Variants in ZNF385B observed in about 807,000 individuals in gnomAD.
ZNF385B encodes zinc finger protein 533.
In ZNF385B, 23 loss-of-function variants were observed where a neutral mutation model predicts 39.2. The ratio of observed to expected loss-of-function variants is 0.59; its 90% CI spans 0.42 to 0.83. The LOEUF is 0.83. Among genes scored for constraint, ZNF385B ranks in the 40% least tolerant of loss-of-function variants. ZNF385B has a pLI of 0.00. For missense variants in ZNF385B, 552 were observed against 598.9 expected (o/e 0.92, Z 0.82); for synonymous variants, 205 against 222.6 (o/e 0.92, Z 0.70).
At chr2:179,600,911 T>C (rs1483988415) in intron 3 of ZNF385B, among the ~76,000 whole-genome samples, 1 of 152,202 alleles carries the variant, frequency 6.6e-6, no homozygotes, top group Non-Finnish European at 1.5e-5. Context: ...TCTGACTTTC[T>C]TACATAATAG....
intron 3 of ZNF385B, among the ~76,000 whole-genome samples, chr2:179,687,453 T>C (rs973443031): frequency 2.0e-5 from 3 of 152,162 alleles, no homozygotes; most frequent in African/African-American, 7.2e-5. Context: ...CTTTGTTGTA[T>C]GACTAACTGG....
At chr2:179,652,007 G>T (rs1025911807) in intron 3 of ZNF385B, among the ~76,000 whole-genome samples, 9 of 152,090 alleles carry the variant, frequency 5.9e-5, no homozygotes, top group African/African-American at 1.7e-4. Context: ...AAACTGTACT[G>T]CCAGAGAAAA....
chr2:179,761,490 C>A (rs1703382088), intron 3 of ZNF385B, among the ~76,000 whole-genome samples: 1 of 151,918 alleles, frequency 6.6e-6, no homozygotes, highest in Non-Finnish European at 1.5e-5. Context: ...ATAAGTATTT[C>A]ATTTTATTAG....
At chr2:179,750,956 T>TA (rs2106468226) in intron 3 of ZNF385B, among the ~76,000 whole-genome samples, 1 of 152,222 alleles carries the variant, frequency 6.6e-6, no homozygotes, top group South Asian at 2.1e-4. Context: ...ACTGAAAAGG[T>TA]AAAATACATT....
chr2:179,803,489 A>C (rs1706161622), intron 1 of ZNF385B, among the ~76,000 whole-genome samples: 1 of 152,212 alleles, frequency 6.6e-6, no homozygotes, highest in Non-Finnish European at 1.5e-5. Flanking sequence ...TGTTTATATA[A>C]AATTATTTTA....
intron 3 of ZNF385B, among the ~76,000 whole-genome samples, chr2:179,628,647 T>C: frequency 6.6e-6 from 1 of 152,222 alleles, no homozygotes. Flanking sequence ...CTTATAAAAA[T>C]TCTCCATCAA....
intron 5 of ZNF385B, among the ~76,000 whole-genome samples, chr2:179,504,436 C>T (rs2057060096): frequency 6.6e-6 from 1 of 151,972 alleles, no homozygotes; most frequent in African/African-American, 2.4e-5. Flanking sequence ...GTTCTAGATC[C>T]CTGAGGAATC....
chr2:179,493,784 C>CATATATGTATACATATATGTATATGCAT lies in ZNF385B; in HGVS notation c.553-10351_553-10350insATGCATATACATATATGTATACATATAT, dbSNP rs1559338478. On this transcript the variant is annotated intron_variant, in intron 5 of 9. Transcript: ENST00000410066. ...ATATGTATACATATATGTATATACACATATGTATACATATATGTATATATA... is the reference window on the plus strand; with the variant it reads ...ATATGTATACATATATGTATATACACATATATGTATACATATATGTATATGCATATATGTATACATATATGTATATATA... Among the ~76,000 whole-genome samples the CATATATGTATACATATATGTATATGCAT allele has an allele frequency of 3.3e-3, 291 of 88,486 alleles. 19 individuals are homozygous for CATATATGTATACATATATGTATATGCAT. Among genetic ancestry groups the CATATATGTATACATATATGTATATGCAT allele is most frequent in the African/African-American group, 8.5e-3 (202 of 23,714 alleles). 58.1% of individuals were successfully genotyped at this position (88,486 alleles called of 152,430 possible). A position where few individuals can be genotyped will look rare whatever the true frequency, so the allele number is the denominator to read the frequency against.
intron 3 of ZNF385B, among the ~76,000 whole-genome samples, chr2:179,618,883 C>G (rs1689977806): frequency 6.6e-6 from 1 of 152,180 alleles, no homozygotes; most frequent in African/African-American, 2.4e-5. Flanking sequence ...CTTCTACTTA[C>G]AATAGACACA....
chr2:179,726,035 T>A (rs1700998144), intron 3 of ZNF385B, among the ~76,000 whole-genome samples: 1 of 151,804 alleles, frequency 6.6e-6, no homozygotes, highest in South Asian at 2.1e-4. Flanking sequence ...CTTAGAGTCA[T>A]AGCTTCTGCA....
At chr2:179,604,307 A>G (rs1243686782) in intron 3 of ZNF385B, among the ~76,000 whole-genome samples, 1 of 152,154 alleles carries the variant, frequency 6.6e-6, no homozygotes, top group African/African-American at 2.4e-5. Flanking sequence ...GTATAGAACT[A>G]TTAAAAATTT....
At chr2:179,633,468 T>C (rs1046833277) in intron 3 of ZNF385B, among the ~76,000 whole-genome samples, 1 of 152,132 alleles carries the variant, frequency 6.6e-6, no homozygotes, top group South Asian at 2.1e-4. Context: ...ATTATCTCAA[T>C]AGATACAGAA....
chr2:179,643,457 T>C (rs1343570778), intron 3 of ZNF385B, among the ~76,000 whole-genome samples: 1 of 152,160 alleles, frequency 6.6e-6, no homozygotes, highest in Non-Finnish European at 1.5e-5. Flanking sequence ...TTCCAGATTG[T>C]TACTGAGGTT....
At chr2:179,763,662 T>C (rs1361016421) in intron 3 of ZNF385B, among the ~76,000 whole-genome samples, 1 of 152,238 alleles carries the variant, frequency 6.6e-6, no homozygotes, top group Non-Finnish European at 1.5e-5. Context: ...CAGCACTGCT[T>C]TAGCTTCATC....
At chr2:179,636,328 G>A (rs11687033) in intron 3 of ZNF385B, among the ~76,000 whole-genome samples, 23,115 of 152,074 alleles carry the variant, frequency 0.15, 1,882 homozygotes, top group Middle Eastern at 0.24. Flanking sequence ...CCATTCCTTC[G>A]CTGGCATGGC....
chr2:179,494,233 C>T (rs143844320), intron 5 of ZNF385B, among the ~76,000 whole-genome samples: 2 of 152,086 alleles, frequency 1.3e-5, no homozygotes, highest in East Asian at 1.9e-4. Context: ...ACCAAATATC[C>T]ATTGTAAGGA....
At chr2:179,445,079 T>C (rs2049337482) in intron 8 of ZNF385B, 102 bp from the exon 9 acceptor site, 3 of 958,838 alleles carry the variant, frequency 3.1e-6, no homozygotes, top group South Asian at 2.7e-5. Context: ...TCTAGGTCCA[T>C]AGTTCCACGA....
At chr2:179,676,151 C>T (rs111980835) in intron 3 of ZNF385B, among the ~76,000 whole-genome samples, 4,402 of 146,058 alleles carry the variant, frequency 0.03, 223 homozygotes, top group African/African-American at 0.1. Context: ...TGCAGTGGCA[C>T]GATCTCTGCT....
In ZNF385B at chr2:179,518,579, CT is replaced by C. The variant is rs2058256991; in HGVS notation, c.500del (p.Lys167ArgfsTer37). ...NHTFGVSIPP[K>X]KKQVISCNVC... ...CATTACAAGAAATAACTTGTTTCTT[CT>C]TTGGGGGAATGGATACTCCAAATGT... On this transcript the variant is annotated frameshift_variant, in exon 5 of 10. Coordinates refer to ENST00000410066, the MANE Select transcript of ZNF385B (RefSeq NM_152520.6). LOFTEE classifies it high-confidence loss of function. The C allele has an allele frequency of 6.2e-7, 1 of 1,609,510 alleles. No individual in the cohort carries two copies. The highest frequency in any genetic ancestry group is 8.5e-7 in the Non-Finnish European group (1 of 1,178,460).
Sources: allele counts gnomAD v4.1 joint callset (sites outside exome capture counted in the v4.1 genomes callset), GRCh38; gene constraint gnomAD v4.1.1; transcripts MANE v1.5; gene names NCBI Gene and HGNC (gene_info 2026-07-23, HGNC 2026-07-21).